Variants in HNRNPDL observed in about 807,000 individuals in gnomAD.
HNRNPDL encodes the protein heterogeneous nuclear ribonucleoprotein D like, also known as heterogeneous nuclear ribonucleoprotein D-like.
HNRNPDL carries 18 observed loss-of-function variants against 48.0 expected under a neutral mutation model. The ratio of observed to expected loss-of-function variants is 0.38; its 90% confidence interval spans 0.26 to 0.56. The LOEUF is 0.56. HNRNPDL is among the 20% of genes least tolerant of loss of function. The probability of loss-of-function intolerance (pLI) is 0.77; values close to 1 mark genes in which losing one functional copy is unlikely to be tolerated. For missense variants in HNRNPDL, 553 were observed against 540.7 expected (o/e 1.02, Z -0.23); for synonymous variants, 306 against 207.3 (o/e 1.48, Z -4.09).
chr4:82,429,887 A>C lies in HNRNPDL; in HGVS notation c.-197T>G. The C allele has an allele frequency of 4.6e-5, 17 of 373,156 alleles. No individual in the cohort carries two copies. The highest frequency in any genetic ancestry group is 5.2e-5 in the Non-Finnish European group (11 of 212,488). The allele number at this position is 373,156 out of a possible 1,614,324, so 23.1% of individuals were successfully genotyped here. On this transcript the variant is annotated 5_prime_UTR_variant, in exon 1 of 8. Transcript: ENST00000295470. Reference sequence around the variant, plus strand: ...TCCGGTCCAGCCCACTCCTACCAAAAAGCCGTCAACCCCGCCTTTTTCTGC... The same window carrying C: ...TCCGGTCCAGCCCACTCCTACCAAACAGCCGTCAACCCCGCCTTTTTCTGC...
chr4:82,427,808 C>T (rs1721480884), intron 3 of HNRNPDL, among the ~76,000 whole-genome samples: 1 of 152,230 alleles, frequency 6.6e-6, no homozygotes, highest in African/African-American at 2.4e-5. Context: ...CAAACACTGA[C>T]CACATTTAAG....
rs75720045 is a variant in HNRNPDL, at chr4:82,428,774, T to C, written c.444-328A>G. On this transcript the variant is annotated intron_variant, in intron 1 of 7. Coordinates refer to ENST00000295470, the MANE Select transcript of HNRNPDL (RefSeq NM_031372.4). ...CATCTTATCTTACTTAGGTCCATCT[T>C]CGTTCTCAGCTGTCAAGCCAACGTT... 5.9e-5 allele frequency among the ~76,000 whole-genome samples: 9 copies of C among 152,352 alleles called. No homozygotes were observed. In the East Asian group the frequency reaches 1.7e-3, roughly 29 times the overall value.
In HNRNPDL at chr4:82,426,647, C is replaced by A. The variant is rs990623084; in HGVS notation, c.1022-14G>T. ...TTTGGCCCTGACCTGAAACAATGCA[C>A]AATGATTGTTAGGAAACAACTTCTG... On this transcript the variant is annotated splice_polypyrimidine_tract_variant and intron_variant, in intron 5 of 7. Transcript: ENST00000295470. The A allele has an allele frequency of 6.2e-7, 1 of 1,610,700 alleles. No homozygotes were observed. The highest frequency in any genetic ancestry group is 1.3e-5 in the African/African-American group (1 of 74,826).
chr4:82,428,120 T>A lies in HNRNPDL; in HGVS notation c.672A>T (p.Lys224Asn). The change falls in exon 3 of 8, where the codon AAA becomes AAT. Residue 224 changes from lysine (K) to asparagine (N), a missense_variant. Transcript: ENST00000295470. ...TGGGAGGTTCTTTCCCTTTTAAAGCTTTGGCCCTTTTGGGATCTATCAATT... is the reference window on the plus strand; with the variant it reads ...TGGGAGGTTCTTTCCCTTTTAAAGCATTGGCCCTTTTGGGATCTATCAATT... ...DGKLIDPKRA[K>N]ALKGKEPPKK... 6.2e-7 allele frequency: 1 copy of A among 1,614,196 alleles called. No homozygotes were observed.
At chr4:82,427,110 C>T in intron 5 of HNRNPDL, 80 bp downstream of exon 5, 1 of 944,446 alleles carries the variant, frequency 1.1e-6, no homozygotes, top group Non-Finnish European at 1.7e-6. Flanking sequence ...TAAAGTTTTG[C>T]TTTGGTACAG....
rs6848299 is a variant in HNRNPDL, at chr4:82,424,479, A to G, written c.*427T>C. The G allele has an allele frequency of 0.11, 17,377 of 152,586 alleles. 1,210 individuals carry two copies. Among genetic ancestry groups the G allele is most frequent in the African/African-American group, 0.2 (8,099 of 41,442 alleles). The allele number at this position is 152,586 out of a possible 1,614,324, so 9.5% of individuals were successfully genotyped here. A position where few individuals can be genotyped will look rare whatever the true frequency, so the allele number is the denominator to read the frequency against. ...AGCATAAAATACACCTACAAATTGGAGAAGAGGGTGACGCTGGCTGGCTAT... is the reference window on the plus strand; with the variant it reads ...AGCATAAAATACACCTACAAATTGGGGAAGAGGGTGACGCTGGCTGGCTAT... On this transcript the variant is annotated 3_prime_UTR_variant, in exon 8 of 8. Coordinates refer to ENST00000295470, the MANE Select transcript of HNRNPDL (RefSeq NM_031372.4).
chr4:82,428,039 T>C lies in HNRNPDL; in HGVS notation c.753A>G (p.Glu251=), dbSNP rs1429661279. ...ACACCTCTCCAAAGGCTCCAAAATA[T>C]TCTTTAATTTGTTCTTCAGAAGTAT... ...SPDTSEEQIK[E]YFGAFGEIEN... The change falls in exon 3 of 8, where the codon GAA becomes GAG. Residue 251 remains glutamate, a synonymous_variant. Transcript: ENST00000295470. 1 of 1,614,070 alleles carries C rather than the reference T, an allele frequency of 6.2e-7. No homozygotes were observed.
chr4:82,426,756 T>C (rs1012104766), intron 5 of HNRNPDL, 123 bp from the exon 6 acceptor site: 1 of 780,602 alleles, frequency 1.3e-6, no homozygotes, highest in Non-Finnish European at 2.1e-6. Flanking sequence ...TATATTGCTA[T>C]CTGCTTGAAA....
rs1721325008 is a variant in HNRNPDL at position 82,424,317 on chromosome 4, G to A, written c.*589C>T. On this transcript the variant is annotated 3_prime_UTR_variant, in exon 8 of 8. Transcript: ENST00000295470. ...TTTTATTACAATCCAGAAGAAATAT[G>A]GTCTACTAGAAAGCTTCTACTAATC... The A allele has an allele frequency of 6.6e-6, 1 of 152,362 alleles. No homozygotes were observed. The highest frequency in any genetic ancestry group is 1.5e-5 in the Non-Finnish European group (1 of 68,034). The allele number at this position is 152,362 out of a possible 1,614,324, so 9.4% of individuals were successfully genotyped here. A position where few individuals can be genotyped will look rare whatever the true frequency, so the allele number is the denominator to read the frequency against.
In HNRNPDL at chr4:82,423,332, A is replaced by T. The variant is rs1203163653; in HGVS notation, c.*1574T>A. Reference sequence around the variant, plus strand: ...ACCCTAGACACCGCACCTACTGACAACACAACTTAAAAATGAACTTACTTC... The same window carrying T: ...ACCCTAGACACCGCACCTACTGACATCACAACTTAAAAATGAACTTACTTC... On this transcript the variant is annotated 3_prime_UTR_variant, in exon 8 of 8. Transcript: ENST00000295470. 1 of 152,188 alleles carries T rather than the reference A, an allele frequency of 6.6e-6. No homozygotes were observed. Among genetic ancestry groups the T allele is most frequent in the African/African-American group, 2.4e-5 (1 of 41,448 alleles). 9.4% of individuals were successfully genotyped at this position (152,188 alleles called of 1,614,324 possible).
Position 82,428,980 on chromosome 4 carries a change from C to A in HNRNPDL, c.443+268G>T, listed in dbSNP as rs1177386847. Among the ~76,000 whole-genome samples the A allele has an allele frequency of 3.3e-5, 5 of 152,330 alleles. No homozygotes were observed. In the South Asian group the frequency reaches 6.2e-4, roughly 19 times the overall value. ...AGCGCTGGGAGGCCGGCCCCTCCCC[C>A]CCGGGTCCCACGCGGCGCCTGCGCG... On this transcript the variant is annotated intron_variant, in intron 1 of 7. Transcript: ENST00000295470.
rs1291847008 is a variant in HNRNPDL at position 82,427,456 on chromosome 4, A to G, written c.883T>C (p.Tyr295His). The G allele has an allele frequency of 1.2e-6, 2 of 1,609,094 alleles. No homozygotes were observed. Among genetic ancestry groups the G allele is most frequent in the Admixed American group, 1.7e-5 (1 of 59,004 alleles). Residue 295 changes from tyrosine (Y) to histidine (H), a missense_variant, in exon 4 of 8, where the codon TAC becomes CAC. Physicochemically the swap from Tyr to His is moderately conservative, Grantham distance 83. Coordinates refer to ENST00000295470, the MANE Select transcript of HNRNPDL (RefSeq NM_031372.4). ...EPVKKLLESR[Y>H]HQIGSGKCEI... ...ACCTTCCCAGAACCAATTTGATGGTATCTGCTTTCTAACAATTTTTTTACT... is the reference window on the plus strand; with the variant it reads ...ACCTTCCCAGAACCAATTTGATGGTGTCTGCTTTCTAACAATTTTTTTACT...
intron 1 of HNRNPDL, 80 bp downstream of exon 1, chr4:82,429,168 G>A: frequency 7.7e-7 from 1 of 1,294,710 alleles, no homozygotes. Flanking sequence ...AAAGAATGGG[G>A]GCAGCGCGCG....
At position 82,427,999 on chromosome 4, in the gene HNRNPDL, T is replaced by C. The variant is rs1578084629; in HGVS notation, c.774+19A>G. 1.2e-6 allele frequency: 2 copies of C among 1,609,932 alleles called. No homozygotes were observed. Among genetic ancestry groups the C allele is most frequent in the Non-Finnish European group, 1.7e-6 (2 of 1,177,202 alleles). Reference sequence around the variant, plus strand: ...TTATAAACACATCAAGCTTAACATGTGTAAACATAATCACACACCTCTCCA... The same window carrying C: ...TTATAAACACATCAAGCTTAACATGCGTAAACATAATCACACACCTCTCCA... On this transcript the variant is annotated intron_variant, in intron 3 of 7. Coordinates refer to ENST00000295470, the MANE Select transcript of HNRNPDL (RefSeq NM_031372.4).
At chr4:82,428,218 AC>A (rs760274506) in intron 2 of HNRNPDL, 39 bp from the exon 3 acceptor site, 141 of 1,607,766 alleles carry the variant, frequency 8.8e-5, no homozygotes, top group African/African-American at 7.4e-4. Flanking sequence ...GCACCATATA[AC>A]CCCCAGAAAA....
Position 82,428,389 on chromosome 4 carries a change from G to C in HNRNPDL, c.501C>G (p.Tyr167Ter). ...CTACAACTTCCCCAAATCGAGACAA[G>C]TACTCTGTCAGATCTTTTTTGCTTG... The part of the protein sequence containing the change: ...WDTSKKDLTE[Y>*]LSRFGEVVDC... The change falls in exon 2 of 8, where the codon TAC (tyrosine) becomes TAG (stop). Residue 167 changes from tyrosine (Y) to a stop codon, truncating the protein, a stop_gained. Transcript: ENST00000295470. LOFTEE classifies it high-confidence loss of function. 6.2e-7 allele frequency: 1 copy of C among 1,613,302 alleles called. No homozygotes were observed. The highest frequency in any genetic ancestry group is 8.5e-7 in the Non-Finnish European group (1 of 1,179,340).
rs1721297108 is a variant in HNRNPDL, at chr4:82,423,824, A to G, written c.*1082T>C. ...TCACATTTGTAATGACTTTGTCATAACCAAGATACCTTTTCCACTATTCCT... is the reference window on the plus strand; with the variant it reads ...TCACATTTGTAATGACTTTGTCATAGCCAAGATACCTTTTCCACTATTCCT... On this transcript the variant is annotated 3_prime_UTR_variant, in exon 8 of 8. Coordinates refer to ENST00000295470, the MANE Select transcript of HNRNPDL (RefSeq NM_031372.4). The G allele has an allele frequency of 6.6e-6, 1 of 152,252 alleles. No individual in the cohort carries two copies. The highest frequency in any genetic ancestry group is 2.4e-5 in the African/African-American group (1 of 41,468). 9.4% of individuals were successfully genotyped at this position (152,252 alleles called of 1,614,324 possible). A position where few individuals can be genotyped will look rare whatever the true frequency, so the allele number is the denominator to read the frequency against.
In HNRNPDL at chr4:82,428,118, G is replaced by C; in HGVS notation, c.674C>G (p.Ala225Gly). Residue 225 changes from alanine (A) to glycine (G), a missense_variant, in exon 3 of 8, where the codon GCT becomes GGT. Ala to Gly is a moderately conservative substitution (Grantham distance 60). This residue lies in a region of HNRNPDL where 174 missense variants were observed against 204.6 expected (regional missense o/e 0.85). Transcript: ENST00000295470. Reference sequence around the variant, plus strand: ...TTTGGGAGGTTCTTTCCCTTTTAAAGCTTTGGCCCTTTTGGGATCTATCAA... The same window carrying C: ...TTTGGGAGGTTCTTTCCCTTTTAAACCTTTGGCCCTTTTGGGATCTATCAA... ...GKLIDPKRAK[A>G]LKGKEPPKKV... 2 of 1,614,082 alleles carry C rather than the reference G, an allele frequency of 1.2e-6. No homozygotes were observed. Among genetic ancestry groups the C allele is most frequent in the Non-Finnish European group, 1.7e-6 (2 of 1,179,992 alleles).
rs776760012 is a variant in HNRNPDL at position 82,426,570 on chromosome 4, T to C, written c.1085A>G (p.Asn362Ser). 7.4e-6 allele frequency: 12 copies of C among 1,613,590 alleles called. No homozygotes were observed. The highest frequency in any genetic ancestry group is 4.4e-5 in the South Asian group (4 of 91,086). The change falls in exon 6 of 8, where the codon AAT becomes AGT. Residue 362 changes from asparagine (N) to serine (S), a missense_variant. Asn to Ser is a conservative substitution (Grantham distance 46, BLOSUM62 1). Around this residue, in one of 4 missense-constraint regions of HNRNPDL, gnomAD observed 174 missense variants for 204.6 expected, o/e 0.85. Coordinates refer to ENST00000295470, the MANE Select transcript of HNRNPDL (RefSeq NM_031372.4). ...GTTTTGATCACCACCATAGGCACTA[T>C]TGTAATTTCCATATCCTTGATCATA... ...NYYDQGYGNY[N>S]SAYGGDQNYS... is the part of the protein sequence containing the mutation.
Sources: allele counts gnomAD v4.1 joint callset (sites outside exome capture counted in the v4.1 genomes callset), GRCh38; gene constraint gnomAD v4.1.1; regional missense constraint gnomAD v4.1.1; transcripts MANE v1.5; gene names NCBI Gene and HGNC (gene_info 2026-07-23, HGNC 2026-07-21).